Variants in ANKS1B observed in about 807,000 individuals in gnomAD.
The protein encoded by ANKS1B is ankyrin repeat and sterile alpha motif domain-containing protein 1B.
A neutral mutation model predicts 148.3 loss-of-function variants in ANKS1B; 36 were observed. The observed-to-expected ratio is 0.24, with a 90% confidence interval of 0.19 to 0.32. The LOEUF is 0.32. Among genes scored for constraint, ANKS1B ranks in the 10% least tolerant of loss-of-function variants. ANKS1B has a pLI of 1.00. For synonymous variants in ANKS1B, 542 were observed against 560.8 expected, an observed-to-expected ratio of 0.97 and a Z score of 0.47; for missense variants, 1,157 against 1,542.6, an observed-to-expected ratio of 0.75 and a Z score of 4.19.
Position 99,038,647 on chromosome 12 carries a change from A to G in ANKS1B, c.2778+14510T>C, listed in dbSNP as rs181009143. Among the ~76,000 whole-genome samples, 638 of 152,290 alleles carry G rather than the reference A, an allele frequency of 4.2e-3. 8 individuals are homozygous for G. Among genetic ancestry groups the G allele is most frequent in the African/African-American group, 0.015 (603 of 41,562 alleles). ...AGCTCACAATACCTGATCCTGGGCC[A>G]CCACTGTGACATCTTTTCTATCAGC... On this transcript the variant is annotated intron_variant, in intron 17 of 26. Transcript: ENST00000683438.
chr12:99,520,508 C>T (rs1357764779), intron 9 of ANKS1B, among the ~76,000 whole-genome samples: 1 of 152,074 alleles, frequency 6.6e-6, no homozygotes, highest in Admixed American at 6.6e-5. Flanking sequence ...CTTCCTTTAT[C>T]CTTGACCTTT....
chr12:98,891,145 A>G lies in ANKS1B; in HGVS notation c.2779-59009T>C, dbSNP rs185220668. On this transcript the variant is annotated intron_variant, in intron 17 of 26. Coordinates refer to ENST00000683438, the MANE Select transcript of ANKS1B (RefSeq NM_001352186.2). ...GATTTACCCAAAAAACAAACACACT[A>G]TAAAGAATTTAGTAACAGAGAAGAT... Among the ~76,000 whole-genome samples the G allele has an allele frequency of 1.5e-3, 229 of 152,340 alleles. 2 individuals are homozygous for G. Among genetic ancestry groups the G allele is most frequent in the African/African-American group, 5.3e-3 (220 of 41,582 alleles).
At chr12:98,959,099 T>C (rs57430289) in intron 17 of ANKS1B, among the ~76,000 whole-genome samples, 2,054 of 152,306 alleles carry the variant, frequency 0.013, 44 homozygotes, top group African/African-American at 0.048. Context: ...TGGATTCCTA[T>C]TGATCTGATG....
intron 8 of ANKS1B, among the ~76,000 whole-genome samples, chr12:99,745,019 C>T (rs2060467376): frequency 1.2e-5 from 1 of 85,992 alleles, no homozygotes; most frequent in Admixed American, 1.1e-4. Context: ...AAAAAAAAAT[C>T]AGTAGTATCT....
chr12:98,841,030 TA>T (rs1362745272), intron 17 of ANKS1B, among the ~76,000 whole-genome samples: 3 of 152,310 alleles, frequency 2.0e-5, no homozygotes, highest in African/African-American at 7.2e-5. Flanking sequence ...TATGAATACA[TA>T]AAAATGCTCT....
intron 25 of ANKS1B, among the ~76,000 whole-genome samples, chr12:98,757,824 T>C (rs557032088): frequency 6.6e-6 from 1 of 152,364 alleles, no homozygotes; most frequent in South Asian, 2.1e-4. Context: ...CTTGCTTTGG[T>C]CTTTCTAGCA....
At chr12:99,952,357 A>G (rs1186826492) in intron 1 of ANKS1B, among the ~76,000 whole-genome samples, 1 of 151,960 alleles carries the variant, frequency 6.6e-6, no homozygotes, top group East Asian at 1.9e-4. Flanking sequence ...ACTTTCTATG[A>G]GATTTCTTCA....
chr12:99,058,219 T>C (rs1331055916), intron 16 of ANKS1B, among the ~76,000 whole-genome samples: 1 of 150,768 alleles, frequency 6.6e-6, no homozygotes, highest in African/African-American at 2.4e-5. Context: ...GCAGAAACTC[T>C]GCATGCCACA....
intron 12 of ANKS1B, 109 bp downstream of exon 12, chr12:99,399,522 G>T: frequency 8.6e-7 from 1 of 1,169,006 alleles, no homozygotes; most frequent in Non-Finnish European, 1.2e-6. Context: ...ACATGGAGGT[G>T]AACTAAAAAC....
intron 8 of ANKS1B, among the ~76,000 whole-genome samples, chr12:99,764,215 T>A (rs563342078): frequency 3.3e-5 from 5 of 152,278 alleles, no homozygotes; most frequent in East Asian, 1.9e-4. Flanking sequence ...CAGATTAATA[T>A]TTTCCCTGTC....
At chr12:99,869,924 CT>C (rs1032881037) in intron 1 of ANKS1B, among the ~76,000 whole-genome samples, 52 of 152,002 alleles carry the variant, frequency 3.4e-4, no homozygotes, top group African/African-American at 4.8e-4. Flanking sequence ...TTAATTTCAA[CT>C]TTTTTTTCTT....
At chr12:98,945,613 C>T (rs1240977730) in intron 17 of ANKS1B, among the ~76,000 whole-genome samples, 1 of 149,742 alleles carries the variant, frequency 6.7e-6, no homozygotes, top group Non-Finnish European at 1.5e-5. Context: ...TTACAAACTC[C>T]TGAGTCTGAA....
rs147848414 is a variant in ANKS1B at position 98,803,130 on chromosome 12, T to C, written c.3142-2005A>G. Reference sequence around the variant, plus strand: ...TGATTTTTTTTCTTTTCCTTCTTTCTCAAATGGCTGGCTCTTTATTCTCTC... The same window carrying C: ...TGATTTTTTTTCTTTTCCTTCTTTCCCAAATGGCTGGCTCTTTATTCTCTC... On this transcript the variant is annotated intron_variant, in intron 20 of 26. Transcript: ENST00000683438. Among the ~76,000 whole-genome samples, 70 of 152,294 alleles carry C rather than the reference T, an allele frequency of 4.6e-4. 1 individual carries two copies. The highest frequency in any genetic ancestry group is 1.4e-3 in the African/African-American group (60 of 41,566).
intron 9 of ANKS1B, among the ~76,000 whole-genome samples, chr12:99,653,678 C>G (rs201664574): frequency 7.9e-5 from 9 of 113,586 alleles, no homozygotes; most frequent in African/African-American, 2.9e-4. Context: ...TTCTTTCTTT[C>G]TTTTTTTTTT....
chr12:99,654,534 C>T (rs2098440766), intron 9 of ANKS1B, among the ~76,000 whole-genome samples: 2 of 152,154 alleles, frequency 1.3e-5, no homozygotes, highest in African/African-American at 4.8e-5. Context: ...GGTGATACTA[C>T]AGATTTAAAG....
intron 12 of ANKS1B, among the ~76,000 whole-genome samples, chr12:99,356,731 T>C (rs939434222): frequency 6.6e-6 from 1 of 152,168 alleles, no homozygotes; most frequent in Admixed American, 6.5e-5. Context: ...CTAAGACAGA[T>C]GGTTGTTAAT....
chr12:99,231,168 A>C (rs931865333), intron 14 of ANKS1B, among the ~76,000 whole-genome samples: 1 of 152,126 alleles, frequency 6.6e-6, no homozygotes, highest in Admixed American at 6.6e-5. Flanking sequence ...GGATATGTTC[A>C]GGGCTATGAC....
intron 1 of ANKS1B, among the ~76,000 whole-genome samples, chr12:99,920,978 C>T (rs1374782397): frequency 6.6e-6 from 1 of 152,168 alleles, no homozygotes; most frequent in Non-Finnish European, 1.5e-5. Context: ...TTCTTTAGTC[C>T]AGTCAAGTTT....
At chr12:99,639,066 G>A (rs1247893858) in intron 9 of ANKS1B, among the ~76,000 whole-genome samples, 1 of 146,748 alleles carries the variant, frequency 6.8e-6, no homozygotes, top group Non-Finnish European at 1.5e-5. Flanking sequence ...TGCTCTAGGG[G>A]CAGAGTCCTC....
Sources: allele counts gnomAD v4.1 joint callset (sites outside exome capture counted in the v4.1 genomes callset), GRCh38; gene constraint gnomAD v4.1.1; transcripts MANE v1.5; gene names NCBI Gene and HGNC (gene_info 2026-07-23, HGNC 2026-07-21).